Variants in NOP14 observed in about 807,000 individuals in gnomAD.
NOP14 encodes NOP14 nucleolar protein.
Under a neutral mutation model 101.6 loss-of-function variants are expected in NOP14, and 57 were observed. The ratio of observed to expected loss-of-function variants is 0.56; its 90% CI spans 0.45 to 0.70. The LOEUF (loss-of-function observed/expected upper bound fraction) is 0.70. Among genes scored for constraint, NOP14 ranks in the 30% least tolerant of loss-of-function variants. The probability of loss-of-function intolerance (pLI) is 0.00; values close to 1 mark genes in which losing one functional copy is unlikely to be tolerated. For missense variants in NOP14, 1,134 were observed against 1,075.5 expected, an observed-to-expected ratio of 1.05 and a Z score of -0.76; for synonymous variants, 428 against 424.0, an observed-to-expected ratio of 1.01 and a Z score of -0.12.
chr4:2,953,013 C>T (rs915086320), intron 5 of NOP14, among the ~76,000 whole-genome samples: 5 of 152,252 alleles, frequency 3.3e-5, no homozygotes, highest in African/African-American at 1.2e-4. Flanking sequence ...GTAACGGTAA[C>T]ATCAAGGCTG....
At chr4:2,945,785 ATG>A (rs768162718) in intron 11 of NOP14, among the ~76,000 whole-genome samples, 3 of 152,186 alleles carry the variant, frequency 2.0e-5, no homozygotes, top group Non-Finnish European at 4.4e-5. Flanking sequence ...TTGCCTTCCA[ATG>A]TTTTTGTCAC....
chr4:2,943,974 T>A, intron 13 of NOP14, 99 bp downstream of exon 13: 1 of 987,550 alleles, frequency 1.0e-6, no homozygotes, highest in Non-Finnish European at 1.5e-6. Context: ...GTGTTTCCTC[T>A]ACTTTCGCAT....
Position 2,938,474 on chromosome 4 carries a change from A to C in NOP14, c.*357T>G. On this transcript the variant is annotated 3_prime_UTR_variant, in exon 18 of 18. Coordinates refer to ENST00000416614, the MANE Select transcript of NOP14 (RefSeq NM_001291978.2). ...GGTGGAGGTTGTGCCATTGCACTCC[A>C]GCCTGGGCAACAAGAGCAAAACTCC... 1 of 341,930 alleles carries C rather than the reference A, an allele frequency of 2.9e-6. No individual in the cohort carries two copies. Among genetic ancestry groups the C allele is most frequent in the Non-Finnish European group, 5.7e-6 (1 of 176,446 alleles). 21.2% of individuals were successfully genotyped at this position (341,930 alleles called of 1,614,324 possible). A position where few individuals can be genotyped will look rare whatever the true frequency, so the allele number is the denominator to read the frequency against.
Position 2,946,464 on chromosome 4 carries a change from A to G in NOP14, c.1583T>C (p.Met528Thr), listed in dbSNP as rs1317813753. ...KFVLRDAMHEMEEMIETKGRA... is the reference protein window; with the variant it reads ...KFVLRDAMHETEEMIETKGRA... ...GCCTTTGGTCTCAATCATTTCTTCC[A>G]TCTCATGCATCGCATCTCGGAGAAC... The change falls in exon 11 of 18, where the codon ATG becomes ACG. Residue 528 changes from methionine to threonine, a missense_variant. By Grantham distance (81) the Met-to-Thr change is moderately conservative. Coordinates refer to ENST00000416614, the MANE Select transcript of NOP14 (RefSeq NM_001291978.2). The G allele has an allele frequency of 6.2e-7, 1 of 1,614,166 alleles. No homozygotes were observed.
At chr4:2,957,855 C>CT in intron 1 of NOP14, 115 bp from the exon 2 acceptor site, 1 of 1,022,618 alleles carries the variant, frequency 9.8e-7, no homozygotes, top group Admixed American at 2.8e-5. Flanking sequence ...TGTCAAAGTT[C>CT]ACACCCAATC....
Position 2,950,539 on chromosome 4 carries a change from C to T in NOP14, c.1003-326G>A, listed in dbSNP as rs74764917. On this transcript the variant is annotated intron_variant, in intron 7 of 17. Transcript: ENST00000416614. ...GCTTTAGCAGGAGGAGTGTCTACAG[C>T]ACCTTCTGCTCCTCCAGGTAACCTA... 6.2e-3 allele frequency: 2,297 copies of T among 370,932 alleles called. 43 individuals are homozygous for T. The highest frequency in any genetic ancestry group is 0.043 in the African/African-American group (2,125 of 49,318). The allele number at this position is 370,932 out of a possible 1,614,324, so 23.0% of individuals were successfully genotyped here.
At chr4:2,956,490 T>TAA (rs537003822) in intron 3 of NOP14, among the ~76,000 whole-genome samples, 180 bp downstream of exon 3, 2 of 148,866 alleles carry the variant, frequency 1.3e-5, no homozygotes. Flanking sequence ...TCTGAAAACT[T>TAA]AAAAAAAAAA....
chr4:2,960,678 ATAT>A (rs1715679083), intron 1 of NOP14, among the ~76,000 whole-genome samples: 1 of 140,196 alleles, frequency 7.1e-6, no homozygotes, highest in African/African-American at 2.7e-5. Context: ...TATTAATATT[ATAT>A]TAATATTATA....
intron 5 of NOP14, 152 bp from the exon 6 acceptor site, chr4:2,952,549 GA>G: frequency 1.3e-5 from 9 of 684,146 alleles, no homozygotes; most frequent in Non-Finnish European, 1.6e-5. Flanking sequence ...CTTCTAGAGA[GA>G]AAACTGTTCT....
chr4:2,953,679 C>T (rs1431099153), intron 4 of NOP14, 34 bp from the exon 5 acceptor site: 9 of 1,612,118 alleles, frequency 5.6e-6, no homozygotes, highest in East Asian at 2.2e-5. Flanking sequence ...CACCACATAC[C>T]GTTACTACTG....
chr4:2,945,238 A>G lies in NOP14; in HGVS notation c.1636-9T>C, dbSNP rs1714534965. 2 of 1,552,658 alleles carry G rather than the reference A, an allele frequency of 1.3e-6. No individual in the cohort carries two copies. Among genetic ancestry groups the G allele is most frequent in the African/African-American group, 1.4e-5 (1 of 73,638 alleles). On this transcript the variant is annotated splice_polypyrimidine_tract_variant and intron_variant, in intron 11 of 17. Transcript: ENST00000416614. ...ATTTTCAAATAAATGAGCTGGAAAG[A>G]AAGTGTTACCACAGGTTAAAGAAGG...
At chr4:2,942,551 G>T (rs974201106) in intron 13 of NOP14, among the ~76,000 whole-genome samples, 200 bp from the exon 14 acceptor site, 5 of 152,172 alleles carry the variant, frequency 3.3e-5, no homozygotes, top group Non-Finnish European at 5.9e-5. Context: ...CAGGGGGCGC[G>T]GTGAGAGCCA....
chr4:2,941,949 G>A lies in NOP14; in HGVS notation c.2052-220C>T, dbSNP rs1714232909. Reference sequence around the variant, plus strand: ...GCTGTGGGAACCGCAGCGCCAGCTGGGATGGGGCGGCTCCATTTTTGGTTC... The same window carrying A: ...GCTGTGGGAACCGCAGCGCCAGCTGAGATGGGGCGGCTCCATTTTTGGTTC... On this transcript the variant is annotated intron_variant, in intron 14 of 17. Coordinates refer to ENST00000416614, the MANE Select transcript of NOP14 (RefSeq NM_001291978.2). 16 of 629,294 alleles carry A rather than the reference G, an allele frequency of 2.5e-5. No homozygotes were observed. In the South Asian group the frequency reaches 3.4e-4, roughly 14 times the overall value. 39.0% of individuals were successfully genotyped at this position (629,294 alleles called of 1,614,324 possible). A position where few individuals can be genotyped will look rare whatever the true frequency, so the allele number is the denominator to read the frequency against.
chr4:2,962,991 A>G, intron 1 of NOP14, 134 bp downstream of exon 1: 1 of 874,470 alleles, frequency 1.1e-6, no homozygotes, highest in Non-Finnish European at 1.6e-6. Context: ...TCGGACTATC[A>G]AGTCAGTGCC....
intron 15 of NOP14, 46 bp downstream of exon 15, chr4:2,941,536 C>T: frequency 6.3e-7 from 1 of 1,587,264 alleles, no homozygotes; most frequent in Non-Finnish European, 8.6e-7. Flanking sequence ...AGCTCAGGGA[C>T]ATGTCTGAGC....
chr4:2,942,065 C>T (rs1714243125), intron 14 of NOP14, 127 bp downstream of exon 14: 1 of 902,486 alleles, frequency 1.1e-6, no homozygotes, highest in Admixed American at 2.4e-5. Context: ...AGGCTTTCGG[C>T]CTCCATCAAA....
At chr4:2,939,390 C>T (rs758343757) in intron 16 of NOP14, 47 bp from the exon 17 acceptor site, 2 of 1,612,350 alleles carry the variant, frequency 1.2e-6, no homozygotes, top group South Asian at 2.2e-5. Flanking sequence ...CTGTCCCCAC[C>T]TCTCAGCCAG....
At chr4:2,939,063 C>T (rs1463095474) in intron 17 of NOP14, 125 bp downstream of exon 17, 6 of 1,513,714 alleles carry the variant, frequency 4.0e-6, no homozygotes, top group South Asian at 3.5e-5. Context: ...GTGAACCTGC[C>T]TGGCTCCAAC....
intron 5 of NOP14, among the ~76,000 whole-genome samples, chr4:2,952,741 A>G (rs1715111098): frequency 6.6e-6 from 1 of 152,244 alleles, no homozygotes; most frequent in South Asian, 2.1e-4. Context: ...CAGGAGTTTG[A>G]GATCAGCCTG....
Sources: allele counts gnomAD v4.1 joint callset (sites outside exome capture counted in the v4.1 genomes callset), GRCh38; gene constraint gnomAD v4.1.1; transcripts MANE v1.5; gene names NCBI Gene and HGNC (gene_info 2026-07-23, HGNC 2026-07-21).